NCKAP1: variants seen among roughly 807,000 people sequenced by gnomAD.
NCKAP1 encodes the protein NCK associated protein 1.
NCKAP1 carries 21 observed loss-of-function variants against 151.2 expected under a neutral mutation model. The ratio of observed to expected loss-of-function variants is 0.14; its 90% CI spans 0.10 to 0.20. The LOEUF (loss-of-function observed/expected upper bound fraction) is 0.20. NCKAP1 is among the 10% of genes least tolerant of loss of function. The probability of loss-of-function intolerance (pLI) is 1.00; values close to 1 mark genes in which losing one functional copy is unlikely to be tolerated. For missense variants in NCKAP1, 933 were observed against 1,352.1 expected (o/e 0.69, Z 4.86); for synonymous variants, 484 against 451.8 (o/e 1.07, Z -0.90).
chr2:182,926,704 G>C (rs1004459807), intron 30 of NCKAP1, 112 bp downstream of exon 30: 3 of 648,436 alleles, frequency 4.6e-6, no homozygotes, highest in Non-Finnish European at 7.7e-6. Flanking sequence ...TGGCTTACGT[G>C]AAGTGAACAA....
At position 182,930,776 on chromosome 2, in the gene NCKAP1, C is replaced by T. The variant is rs1696747287; in HGVS notation, c.2872G>A (p.Val958Met). Residue 958 changes from valine to methionine, a missense_variant, in exon 27 of 31, where the codon GTG (valine) becomes ATG (methionine). Physicochemically the swap from Val to Met is conservative, Grantham distance 21 (BLOSUM62 1). Around this residue, in one of 2 missense-constraint regions of NCKAP1, gnomAD observed 326 missense variants for 557.1 expected, o/e 0.59. Transcript: ENST00000361354. ...RETDMKVAMN[V>M]YELSSAAGLP... is the part of the protein sequence containing the mutation. Reference sequence around the variant, plus strand: ...CCGGCAGCTGATGATAACTCATACACATTCATTGCAACCTGATAAAAACAA... The same window carrying T: ...CCGGCAGCTGATGATAACTCATACATATTCATTGCAACCTGATAAAAACAA... 6.2e-7 allele frequency: 1 copy of T among 1,612,936 alleles called. No homozygotes were observed. Among genetic ancestry groups the T allele is most frequent in the Non-Finnish European group, 8.5e-7 (1 of 1,179,020 alleles).
intron 15 of NCKAP1, among the ~76,000 whole-genome samples, chr2:182,968,772 C>T (rs1455671933): frequency 6.6e-6 from 1 of 152,168 alleles, no homozygotes; most frequent in East Asian, 1.9e-4. Flanking sequence ...GACCCAGGAG[C>T]TCCATATCTT....
intron 10 of NCKAP1, among the ~76,000 whole-genome samples, chr2:182,984,051 G>C (rs1190967705): frequency 1.2e-5 from 1 of 83,152 alleles, no homozygotes; most frequent in African/African-American, 2.7e-5. Flanking sequence ...AAAAATCCTT[G>C]AAGGCAAAAA....
Position 182,982,848 on chromosome 2 carries a change from T to C in NCKAP1, c.1181A>G (p.Lys394Arg). 1.2e-6 allele frequency: 2 copies of C among 1,610,488 alleles called. No homozygotes were observed. The highest frequency in any genetic ancestry group is 1.7e-6 in the Non-Finnish European group (2 of 1,178,348). The change falls in exon 12 of 31, where the codon AAG (lysine) becomes AGG (arginine). Residue 394 changes from lysine to arginine, a missense_variant. Physicochemically the swap from Lys to Arg is conservative, Grantham distance 26. Coordinates refer to ENST00000361354, the MANE Select transcript of NCKAP1 (RefSeq NM_013436.5). ...ATCTATAAAGTCGTCTGCACTCTTC[T>C]TTGGCATGTTATCTGCATGACGAAG... The part of the protein sequence containing the change: ...WLLRHADNMP[K>R]KSADDFIDKH...
intron 24 of NCKAP1, among the ~76,000 whole-genome samples, chr2:182,935,721 G>A (rs2105805158): frequency 6.6e-6 from 1 of 151,956 alleles, no homozygotes; most frequent in Admixed American, 6.6e-5. Context: ...AGAAAAGGTA[G>A]GGGCAGAAAG....
chr2:182,925,105 A>G lies in NCKAP1; in HGVS notation c.*597T>C, dbSNP rs1377308450. On this transcript the variant is annotated 3_prime_UTR_variant, in exon 31 of 31. Transcript: ENST00000361354. ...ATTATCGCTAGGCTTTATACAAGCA[A>G]CAACATATGCTGCTGCTCTTAGAAT... 1 of 152,188 alleles carries G rather than the reference A, an allele frequency of 6.6e-6. No homozygotes were observed. The highest frequency in any genetic ancestry group is 3.2e-3 in the Middle Eastern group (1 of 316). 9.4% of individuals were successfully genotyped at this position (152,188 alleles called of 1,614,324 possible).
intron 26 of NCKAP1, 54 bp downstream of exon 26, chr2:182,934,698 T>A: frequency 1.1e-6 from 1 of 896,242 alleles, no homozygotes; most frequent in East Asian, 2.7e-5. Context: ...GCATATGTAA[T>A]TTAAATATTT....
Position 183,001,949 on chromosome 2 carries a change from T to C in NCKAP1, c.603+4A>G. On this transcript the variant is annotated splice_donor_region_variant and intron_variant, in intron 6 of 30. Transcript: ENST00000361354. ...CTCTCATATGCCTAACAACTGCCTC[T>C]TACCTTGCTATGGGGTACAAATTCT... 1.9e-6 allele frequency: 3 copies of C among 1,609,856 alleles called. No individual in the cohort carries two copies. Among genetic ancestry groups the C allele is most frequent in the Non-Finnish European group, 2.6e-6 (3 of 1,176,250 alleles).
chr2:183,025,025 A>G (rs1698869006), intron 1 of NCKAP1: 1 of 1,606,086 alleles, frequency 6.2e-7, no homozygotes, highest in Non-Finnish European at 8.5e-7. Context: ...AAAAGAGAGA[A>G]AATTACGTGT....
chr2:182,960,127 A>G (rs1697414450), intron 18 of NCKAP1, among the ~76,000 whole-genome samples: 1 of 152,208 alleles, frequency 6.6e-6, no homozygotes, highest in Admixed American at 6.5e-5. Flanking sequence ...GGGTAGGAAG[A>G]ATCAATATCG....
intron 18 of NCKAP1, among the ~76,000 whole-genome samples, chr2:182,958,808 T>A (rs1697378392): frequency 6.6e-6 from 1 of 152,156 alleles, no homozygotes; most frequent in African/African-American, 2.4e-5. Flanking sequence ...AAATAACATT[T>A]TAGGTAGAAG....
Position 182,982,933 on chromosome 2 carries a change from T to C in NCKAP1, c.1102-6A>G. ...GCCATAAAAACAAAAAGTGCCTGTT[T>C]AAAAAAAAGTAAGTGTTTATTCTTA... On this transcript the variant is annotated splice_polypyrimidine_tract_variant and splice_region_variant and intron_variant, in intron 11 of 30. Coordinates refer to ENST00000361354, the MANE Select transcript of NCKAP1 (RefSeq NM_013436.5). 6.4e-7 allele frequency: 1 copy of C among 1,570,138 alleles called. No homozygotes were observed. The highest frequency in any genetic ancestry group is 8.6e-7 in the Non-Finnish European group (1 of 1,157,112).
Position 182,925,714 on chromosome 2 carries a change from T to A in NCKAP1, c.3375A>T (p.Thr1125=), listed in dbSNP as rs1214603411. 7.1e-6 allele frequency: 11 copies of A among 1,554,712 alleles called. No homozygotes were observed. The highest frequency in any genetic ancestry group is 4.3e-6 in the Non-Finnish European group (5 of 1,151,678). The change falls in exon 31 of 31, where the codon ACA becomes ACT. Residue 1125 remains threonine, a synonymous_variant. Transcript: ENST00000361354. ...TAAGTAGGTAATTTTATGCAGAAGA[T>A]GTAACACTTTGTTTGTAGACAGCAT... ...AYHAVYKQSV[T]SSA
chr2:182,966,916 T>C (rs377629245), intron 16 of NCKAP1, among the ~76,000 whole-genome samples: 2 of 152,322 alleles, frequency 1.3e-5, no homozygotes, highest in East Asian at 1.9e-4. Context: ...TTTAGTCTAA[T>C]CATGCAAAGA....
intron 30 of NCKAP1, among the ~76,000 whole-genome samples, 168 bp downstream of exon 30, chr2:182,926,648 T>A (rs1279488108): frequency 6.6e-6 from 1 of 152,114 alleles, no homozygotes; most frequent in Non-Finnish European, 1.5e-5. Flanking sequence ...ACCGAAATGA[T>A]AAAATATGAG....
intron 18 of NCKAP1, among the ~76,000 whole-genome samples, chr2:182,959,171 GA>G (rs889710886): frequency 2.6e-5 from 4 of 152,134 alleles, no homozygotes; most frequent in South Asian, 2.1e-4. Context: ...GGTATTTGGG[GA>G]AAAAAATGCA....
chr2:182,919,135 A>C lies in NCKAP1; in HGVS notation c.*6567T>G, dbSNP rs1189078063. 6.6e-6 allele frequency: 1 copy of C among 152,242 alleles called. No homozygotes were observed. The highest frequency in any genetic ancestry group is 1.5e-5 in the Non-Finnish European group (1 of 68,044). 9.4% of individuals were successfully genotyped at this position (152,242 alleles called of 1,614,324 possible). A position where few individuals can be genotyped will look rare whatever the true frequency, so the allele number is the denominator to read the frequency against. The stretch of plus-strand genomic sequence containing the variant: ...ATCTGGTACACAATGGGCTTTCAAT[A>C]AACATTAGCTCTCATTATTATTCTA... On this transcript the variant is annotated 3_prime_UTR_variant, in exon 31 of 31. Transcript: ENST00000361354.
rs1221182070 is a variant in NCKAP1, at chr2:182,921,680, A to G, written c.*4022T>C. ...TAACTTCAGATTGCTAATTTATCCC[A>G]TTTTACTTAGGCCCAAAATGACAGG... On this transcript the variant is annotated 3_prime_UTR_variant, in exon 31 of 31. Coordinates refer to ENST00000361354, the MANE Select transcript of NCKAP1 (RefSeq NM_013436.5). 1 of 152,146 alleles carries G rather than the reference A, an allele frequency of 6.6e-6. No individual in the cohort carries two copies. Among genetic ancestry groups the G allele is most frequent in the African/African-American group, 2.4e-5 (1 of 41,426 alleles). 9.4% of individuals were successfully genotyped at this position (152,146 alleles called of 1,614,324 possible).
intron 13 of NCKAP1, 97 bp downstream of exon 13, chr2:182,981,147 C>T: frequency 7.1e-7 from 1 of 1,410,220 alleles, no homozygotes; most frequent in Non-Finnish European, 9.8e-7. Flanking sequence ...TCACTTGGCA[C>T]ATGATATTTC....
Sources: gnomAD v4.1 joint callset for allele counts (sites outside exome capture counted in the v4.1 genomes callset) on GRCh38, gnomAD v4.1.1 for gene constraint, gnomAD v4.1.1 regional missense constraint, MANE v1.5 for transcripts, NCBI Gene and HGNC (gene_info 2026-07-23, HGNC 2026-07-21) for gene names.